The following SLC24A2 variants were observed in gnomAD, a reference collection of about 807,000 sequenced individuals.
The protein encoded by SLC24A2 is solute carrier family 24 member 2, also known as sodium/potassium/calcium exchanger 2.
Under a neutral mutation model 62.0 loss-of-function variants are expected in SLC24A2, and 36 were observed. The observed-to-expected ratio is 0.58, with a 90% confidence interval of 0.44 to 0.77. The LOEUF (loss-of-function observed/expected upper bound fraction) is 0.77. Among genes scored for constraint, SLC24A2 ranks in the 30% least tolerant of loss-of-function variants. SLC24A2 has a pLI of 0.00. For missense variants in SLC24A2, 846 were observed against 817.9 expected, an observed-to-expected ratio of 1.03 and a Z score of -0.42; for synonymous variants, 358 against 294.0, an observed-to-expected ratio of 1.22 and a Z score of -2.23.
chr9:19,772,860 A>G (rs531908167), intron 2 of SLC24A2, among the ~76,000 whole-genome samples: 1 of 152,186 alleles, frequency 6.6e-6, no homozygotes, highest in African/African-American at 2.4e-5. Flanking sequence ...AAGAGAACTA[A>G]AAACATGTAT....
rs968483175 is a variant in SLC24A2 at position 19,597,122 on chromosome 9, T to C, written c.1129+107A>G. ...GCAGAAAGAATAGTAAGTCACACAA[T>C]GTCACTGAAGTCATGCAGAGAGGAA... On this transcript the variant is annotated intron_variant, in intron 5 of 10. Transcript: ENST00000341998. 1.0e-5 allele frequency: 8 copies of C among 773,198 alleles called. No homozygotes were observed. The African/African-American group carries it at 1.4e-4, about 13-fold the overall frequency. The allele number at this position is 773,198 out of a possible 1,614,324, so 47.9% of individuals were successfully genotyped here. A position where few individuals can be genotyped will look rare whatever the true frequency, so the allele number is the denominator to read the frequency against.
chr9:19,697,701 G>A (rs1331309203), intron 2 of SLC24A2, among the ~76,000 whole-genome samples: 2 of 152,006 alleles, frequency 1.3e-5, no homozygotes, highest in Non-Finnish European at 2.9e-5. Flanking sequence ...ACATTTAGCA[G>A]GTTAAAATAA....
the SLC24A2 span, among the ~76,000 whole-genome samples, chr9:20,051,464 A>T: frequency 2.0e-5 from 3 of 152,154 alleles, no homozygotes; most frequent in South Asian, 4.1e-4. Context: ...GATAGATAAG[A>T]TGTCAACAAC....
At chr9:20,069,413 A>G in the SLC24A2 span, among the ~76,000 whole-genome samples, 1 of 152,224 alleles carries the variant, frequency 6.6e-6, no homozygotes, top group Non-Finnish European at 1.5e-5. Context: ...TATTTAAAAA[A>G]TATTTTTATT....
intron 2 of SLC24A2, among the ~76,000 whole-genome samples, chr9:19,736,025 G>C (rs1321677187): frequency 6.6e-6 from 1 of 152,074 alleles, no homozygotes; most frequent in Non-Finnish European, 1.5e-5. Context: ...ATTAAAATAT[G>C]TGATAACAGT....
chr9:20,199,901 T>G, the SLC24A2 span, among the ~76,000 whole-genome samples: 5 of 150,364 alleles, frequency 3.3e-5, no homozygotes, highest in South Asian at 8.5e-4. Context: ...TTTTTTTTTT[T>G]TTGTATTTTT....
At chr9:20,019,161 GAGAGAC>G in the SLC24A2 span, among the ~76,000 whole-genome samples, 2 of 138,016 alleles carry the variant, frequency 1.4e-5, no homozygotes, top group Non-Finnish European at 3.1e-5. Context: ...AAGAAAGAGA[GAGAGAC>G]AGAAAGAAAG....
intron 2 of SLC24A2, among the ~76,000 whole-genome samples, chr9:19,628,623 G>A (rs962542594): frequency 1.3e-5 from 2 of 152,134 alleles, no homozygotes; most frequent in African/African-American, 4.8e-5. Flanking sequence ...TGGTGTTCTG[G>A]TATTAGTCAC....
chr9:19,561,328 G>T (rs192043174), intron 7 of SLC24A2, among the ~76,000 whole-genome samples: 1 of 115,878 alleles, frequency 8.6e-6, no homozygotes. Flanking sequence ...TGAAAAAGAG[G>T]TAAGTTTACG....
At chr9:20,058,847 A>G in the SLC24A2 span, among the ~76,000 whole-genome samples, 4 of 152,196 alleles carry the variant, frequency 2.6e-5, no homozygotes, top group Non-Finnish European at 4.4e-5. Context: ...TTGTAAGTTG[A>G]GTCCCCCTTT....
chr9:19,613,852 G>C (rs1281316708), intron 4 of SLC24A2, among the ~76,000 whole-genome samples: 1 of 152,124 alleles, frequency 6.6e-6, no homozygotes, highest in African/African-American at 2.4e-5. Context: ...TCAAATTCTG[G>C]CTCTGCCATT....
chr9:19,556,091 G>A (rs762854965), intron 7 of SLC24A2, among the ~76,000 whole-genome samples: 7 of 152,216 alleles, frequency 4.6e-5, no homozygotes, highest in Non-Finnish European at 1.0e-4. Flanking sequence ...CACAGAAGAC[G>A]AGTTTCACGG....
chr9:19,693,075 C>A (rs1304139806), intron 2 of SLC24A2, among the ~76,000 whole-genome samples: 1 of 151,978 alleles, frequency 6.6e-6, no homozygotes, highest in Non-Finnish European at 1.5e-5. Context: ...GTTGGTTTGT[C>A]TATCTTTTAT....
At chr9:19,848,916 C>T in the SLC24A2 span, among the ~76,000 whole-genome samples, 1 of 152,210 alleles carries the variant, frequency 6.6e-6, no homozygotes, top group Admixed American at 6.5e-5. Flanking sequence ...TATTCAAAGG[C>T]TACATTTATT....
At chr9:19,695,665 T>C (rs1329442122) in intron 2 of SLC24A2, among the ~76,000 whole-genome samples, 2 of 121,830 alleles carry the variant, frequency 1.6e-5, no homozygotes, top group African/African-American at 3.1e-5. Context: ...CATAGCAGCA[T>C]TGCTTGTTAG....
the SLC24A2 span, among the ~76,000 whole-genome samples, chr9:20,218,030 T>C: frequency 5.9e-5 from 9 of 152,346 alleles, no homozygotes; most frequent in African/African-American, 2.2e-4. Context: ...TCTTTGGGTA[T>C]GATCTGTGGA....
chr9:19,984,760 G>T, the SLC24A2 span, among the ~76,000 whole-genome samples: 1 of 152,062 alleles, frequency 6.6e-6, no homozygotes, highest in African/African-American at 2.4e-5. Context: ...TTTGTTAAGG[G>T]TGCCAACATC....
the SLC24A2 span, among the ~76,000 whole-genome samples, chr9:20,107,978 C>T: frequency 6.6e-6 from 1 of 152,162 alleles, no homozygotes; most frequent in Admixed American, 6.5e-5. Context: ...CCAGAATCTA[C>T]AATGAACTCA....
At chr9:19,703,373 A>C (rs1402029279) in intron 2 of SLC24A2, among the ~76,000 whole-genome samples, 1 of 152,218 alleles carries the variant, frequency 6.6e-6, no homozygotes, top group Non-Finnish European at 1.5e-5. Flanking sequence ...TATTGCACTC[A>C]AACCTTCTTG....
Sources: allele counts gnomAD v4.1 joint callset (sites outside exome capture counted in the v4.1 genomes callset), GRCh38; gene constraint gnomAD v4.1.1; transcripts MANE v1.5; gene names NCBI Gene and HGNC (gene_info 2026-07-23, HGNC 2026-07-21).